The following DENND6A variants were observed in gnomAD, a reference collection of about 807,000 sequenced individuals.
DENND6A encodes protein DENND6A.
In DENND6A, 43 loss-of-function variants were observed where a neutral mutation model predicts 95.5. The observed-to-expected ratio is 0.45, with a 90% CI of 0.35 to 0.58. The LOEUF is 0.58. Among genes scored for constraint, DENND6A ranks in the 20% least tolerant of loss-of-function variants. The pLI, the probability that DENND6A is intolerant of heterozygous loss-of-function variation, is 0.00. For missense variants in DENND6A, 574 were observed against 736.0 expected (o/e 0.78, Z 2.55); for synonymous variants, 257 against 260.4 (o/e 0.99, Z 0.13).
chr3:57,679,886 A>G (rs2077146328), intron 1 of DENND6A, among the ~76,000 whole-genome samples: 2 of 152,184 alleles, frequency 1.3e-5, no homozygotes, highest in African/African-American at 4.8e-5. Context: ...AATGCAACAG[A>G]CAGCCTAACA....
chr3:57,677,509 C>G (rs1173799124), intron 1 of DENND6A, among the ~76,000 whole-genome samples: 2 of 138,554 alleles, frequency 1.4e-5, no homozygotes, highest in Non-Finnish European at 3.0e-5. Context: ...AACTGTGGCT[C>G]ACCCCAGCCT....
Position 57,661,431 on chromosome 3 carries a change from A to G in DENND6A, c.619+15T>C, listed in dbSNP as rs374983015. ...AATTTTAAAACTCCTGCATAAAGGT[A>G]TATGTTAAACTTACCTGCTTCCAAA... On this transcript the variant is annotated intron_variant, in intron 6 of 19. Coordinates refer to ENST00000311128, the MANE Select transcript of DENND6A (RefSeq NM_152678.3). 5.0e-5 allele frequency: 77 copies of G among 1,528,638 alleles called. No individual in the cohort carries two copies. The highest frequency in any genetic ancestry group is 6.1e-5 in the Non-Finnish European group (70 of 1,144,074). 94.7% of individuals were successfully genotyped at this position (1,528,638 alleles called of 1,614,324 possible).
intron 6 of DENND6A, 27 bp from the exon 7 acceptor site, chr3:57,660,866 T>C (rs778935694): frequency 6.5e-7 from 1 of 1,539,434 alleles, no homozygotes; most frequent in Non-Finnish European, 8.8e-7. Context: ...AATATTTTCT[T>C]AGAATAAGTG....
At chr3:57,661,600 T>C (rs762288223) in intron 5 of DENND6A, 49 bp from the exon 6 acceptor site, 1 of 1,418,516 alleles carries the variant, frequency 7.0e-7, no homozygotes, top group Non-Finnish European at 9.5e-7. Flanking sequence ...TGTCATTCAT[T>C]TCTTGCATAA....
chr3:57,647,755 G>C (rs540288293), intron 9 of DENND6A, among the ~76,000 whole-genome samples: 1 of 150,174 alleles, frequency 6.7e-6, no homozygotes, highest in South Asian at 2.1e-4. Flanking sequence ...TTGACCTGGT[G>C]TTGAGAGTCA....
intron 1 of DENND6A, among the ~76,000 whole-genome samples, chr3:57,690,783 G>C (rs1427244330): frequency 6.6e-6 from 1 of 151,956 alleles, no homozygotes; most frequent in Non-Finnish European, 1.5e-5. Flanking sequence ...AAAACCAAGA[G>C]GTTTCCCTGG....
At chr3:57,684,090 T>G (rs1247496645) in intron 1 of DENND6A, among the ~76,000 whole-genome samples, 2 of 140,178 alleles carry the variant, frequency 1.4e-5, no homozygotes, top group Non-Finnish European at 3.0e-5. Flanking sequence ...AGGTGGAGGT[T>G]GCAGCGAGCC....
intron 1 of DENND6A, 82 bp from the exon 2 acceptor site, chr3:57,672,520 C>A: frequency 7.1e-7 from 1 of 1,410,272 alleles, no homozygotes; most frequent in Non-Finnish European, 9.8e-7. Context: ...CGGTGGCTCA[C>A]GCTGGTAATC....
intron 18 of DENND6A, among the ~76,000 whole-genome samples, chr3:57,629,498 ATCAGTCCGCTTT>A (rs1319622945): frequency 2.0e-5 from 3 of 149,974 alleles, no homozygotes; most frequent in Non-Finnish European, 3.0e-5. Context: ...TAAAAAAAAA[ATCAGTCCGCTTT>A]TTTTTTTTTT....
chr3:57,655,475 G>A (rs1158074600), intron 9 of DENND6A, among the ~76,000 whole-genome samples: 1 of 152,196 alleles, frequency 6.6e-6, no homozygotes, highest in Admixed American at 6.5e-5. Flanking sequence ...CATCCCTAAT[G>A]TGAAAATCTA....
chr3:57,688,841 A>G (rs2077235047), intron 1 of DENND6A, among the ~76,000 whole-genome samples: 1 of 152,224 alleles, frequency 6.6e-6, no homozygotes, highest in African/African-American at 2.4e-5. Context: ...TGTTCCTAAC[A>G]ATCAAGTTAA....
intron 4 of DENND6A, among the ~76,000 whole-genome samples, chr3:57,664,678 C>CA (rs769918773): frequency 2.0e-5 from 3 of 152,022 alleles, no homozygotes; most frequent in Non-Finnish European, 4.4e-5. Flanking sequence ...ACTAAAAATA[C>CA]AAAAATTAGC....
chr3:57,682,486 C>T (rs1183858225), intron 1 of DENND6A, among the ~76,000 whole-genome samples: 1 of 152,008 alleles, frequency 6.6e-6, no homozygotes, highest in African/African-American at 2.4e-5. Flanking sequence ...CTATCAAATT[C>T]CATCCAGCAG....
In DENND6A at chr3:57,634,546, G is replaced by T; in HGVS notation, c.1263+12C>A. On this transcript the variant is annotated intron_variant, in intron 14 of 19. Transcript: ENST00000311128. Reference sequence around the variant, plus strand: ...AAGGAAATTTAAATTAATAATATGAGCAACTAATTACCTTCTGTAATTGTT... The same window carrying T: ...AAGGAAATTTAAATTAATAATATGATCAACTAATTACCTTCTGTAATTGTT... 1 of 1,309,004 alleles carries T rather than the reference G, an allele frequency of 7.6e-7. No homozygotes were observed. The highest frequency in any genetic ancestry group is 1.0e-6 in the Non-Finnish European group (1 of 979,058). The allele number at this position is 1,309,004 out of a possible 1,614,324, so 81.1% of individuals were successfully genotyped here. A position where few individuals can be genotyped will look rare whatever the true frequency, so the allele number is the denominator to read the frequency against.
chr3:57,665,164 T>C, intron 4 of DENND6A, among the ~76,000 whole-genome samples: 1 of 152,190 alleles, frequency 6.6e-6, no homozygotes, highest in South Asian at 2.1e-4. Flanking sequence ...AGTTCTTATT[T>C]TGGAAGGTCC....
chr3:57,630,588 T>C (rs2070646458), intron 17 of DENND6A, 65 bp from the exon 18 acceptor site: 2 of 1,528,534 alleles, frequency 1.3e-6, no homozygotes, highest in African/African-American at 1.4e-5. Context: ...TCAATACCTT[T>C]CCTAGTCAGA....
At position 57,654,114 on chromosome 3, in the gene DENND6A, A is replaced by ATT. The variant is rs879539392; in HGVS notation, c.818+3564_818+3565dup. 1.1e-3 allele frequency among the ~76,000 whole-genome samples: 160 copies of ATT among 139,796 alleles called. 1 individual carries two copies. Among genetic ancestry groups the ATT allele is most frequent in the African/African-American group, 4.1e-3 (155 of 38,178 alleles). The allele number at this position is 139,796 out of a possible 152,430, so 91.7% of individuals were successfully genotyped here. A position where few individuals can be genotyped will look rare whatever the true frequency, so the allele number is the denominator to read the frequency against. On this transcript the variant is annotated intron_variant, in intron 9 of 19. Transcript: ENST00000311128. ...AGGTGCCCGCCACCACGCCCGGCTA[A>ATT]TTTTTTTTTTTTTTGTATTTTTAGT...
At chr3:57,635,444 C>T (rs2070771708) in intron 12 of DENND6A, among the ~76,000 whole-genome samples, 1 of 152,044 alleles carries the variant, frequency 6.6e-6, no homozygotes, top group African/African-American at 2.4e-5. Flanking sequence ...CAGAAAAATA[C>T]CTCAAGATAC....
rs948887185 is a variant in DENND6A, at chr3:57,631,190, A to G, written c.1354-212T>C. On this transcript the variant is annotated intron_variant, in intron 15 of 19. Coordinates refer to ENST00000311128, the MANE Select transcript of DENND6A (RefSeq NM_152678.3). The stretch of plus-strand genomic sequence containing the variant: ...AATTCAACTAAATCTTAGATAAACC[A>G]AGGGGACTACATTTTTTCTTTTTTG... 1.2e-4 allele frequency: 66 copies of G among 531,926 alleles called. No homozygotes were observed. In the African/African-American group the frequency reaches 1.3e-3, roughly 10 times the overall value. The allele number at this position is 531,926 out of a possible 1,614,324, so 33.0% of individuals were successfully genotyped here.
Sources: gnomAD v4.1 joint callset for allele counts (sites outside exome capture counted in the v4.1 genomes callset) on GRCh38, gnomAD v4.1.1 for gene constraint, MANE v1.5 for transcripts, NCBI Gene and HGNC (gene_info 2026-07-23, HGNC 2026-07-21) for gene names.